Variants in ZFAT observed in about 807,000 individuals in gnomAD.
ZFAT encodes the protein zinc finger protein ZFAT.
A neutral mutation model predicts 117.7 loss-of-function variants in ZFAT; 64 were observed. The observed-to-expected ratio is 0.54, with a 90% confidence interval of 0.44 to 0.67. The LOEUF is 0.67. Among genes scored for constraint, ZFAT ranks in the 30% least tolerant of loss-of-function variants. The pLI is 0.00. For synonymous variants in ZFAT, 679 were observed against 615.0 expected (o/e 1.10, Z -1.54); for missense variants, 1,433 against 1,584.5 (o/e 0.90, Z 1.62).
chr8:134,699,399 G>A (rs1833953317), intron 1 of ZFAT, among the ~76,000 whole-genome samples: 2 of 152,188 alleles, frequency 1.3e-5, no homozygotes, highest in South Asian at 4.1e-4. Context: ...ACACTGACCT[G>A]GGTGAGTCTG....
intron 11 of ZFAT, among the ~76,000 whole-genome samples, chr8:134,549,541 C>A (rs11987084): frequency 0.023 from 3,435 of 152,158 alleles, 116 homozygotes; most frequent in African/African-American, 0.077. Context: ...TGCATGAATG[C>A]TCCCCACCCC....
chr8:134,497,950 C>T (rs1164061950), intron 15 of ZFAT, among the ~76,000 whole-genome samples: 2 of 142,086 alleles, frequency 1.4e-5, no homozygotes, highest in African/African-American at 5.4e-5. Flanking sequence ...ACACACAGAG[C>T]CTGATTTGGT....
intron 12 of ZFAT, among the ~76,000 whole-genome samples, chr8:134,527,568 G>C (rs1458707909): frequency 2.0e-5 from 3 of 152,222 alleles, no homozygotes; most frequent in Admixed American, 6.5e-5. Flanking sequence ...CAGGGCCCCA[G>C]TTCAGAGCTA....
chr8:134,598,548 G>T (rs1827139338), intron 7 of ZFAT: 1 of 152,290 alleles, frequency 6.6e-6, no homozygotes, highest in African/African-American at 2.4e-5. Flanking sequence ...CAAGGATGTG[G>T]CCAGGAGGCC....
At chr8:134,487,393 G>A (rs1178547966) in intron 15 of ZFAT, among the ~76,000 whole-genome samples, 1 of 152,160 alleles carries the variant, frequency 6.6e-6, no homozygotes, top group Non-Finnish European at 1.5e-5. Context: ...GGCCCTGTGA[G>A]GAAGGCAGGG....
chr8:134,534,466 G>C (rs1821669104), intron 11 of ZFAT, among the ~76,000 whole-genome samples: 1 of 152,132 alleles, frequency 6.6e-6, no homozygotes, highest in Non-Finnish European at 1.5e-5. Context: ...TCTCATCTTT[G>C]AAGCTTAGAT....
chr8:134,610,694 A>G, intron 3 of ZFAT, 39 bp from the exon 4 acceptor site: 1 of 1,604,882 alleles, frequency 6.2e-7, no homozygotes, highest in Non-Finnish European at 8.5e-7. Flanking sequence ...GTATCCTTTT[A>G]TATCAGTGGC....
chr8:134,737,410 G>A, the ZFAT span, among the ~76,000 whole-genome samples: 1 of 152,244 alleles, frequency 6.6e-6, no homozygotes, highest in Non-Finnish European at 1.5e-5. Context: ...GTAAGATGCT[G>A]GCTGGTCAAA....
At chr8:134,696,332 C>T (rs10505628) in intron 1 of ZFAT, 372,755 of 968,732 alleles carry the variant, frequency 0.38, 72,162 homozygotes, top group South Asian at 0.45. Context: ...CCAGGAGTTG[C>T]TATAGGCGAC....
At chr8:134,542,854 C>G (rs1822372252) in intron 11 of ZFAT, among the ~76,000 whole-genome samples, 1 of 152,248 alleles carries the variant, frequency 6.6e-6, no homozygotes, top group Admixed American at 6.5e-5. Context: ...CATGCAGTTA[C>G]TGCACAGAAG....
At chr8:134,615,705 C>T (rs1228852358) in intron 3 of ZFAT, among the ~76,000 whole-genome samples, 1 of 152,232 alleles carries the variant, frequency 6.6e-6, no homozygotes, top group Admixed American at 6.5e-5. Flanking sequence ...TACACACCTC[C>T]AAGCCCCCAC....
At chr8:134,502,439 C>T (rs1303770519) in intron 15 of ZFAT, among the ~76,000 whole-genome samples, 1 of 152,242 alleles carries the variant, frequency 6.6e-6, no homozygotes, top group Non-Finnish European at 1.5e-5. Context: ...AGTGCCTTTT[C>T]TTGCAAAAAA....
chr8:134,540,824 G>A (rs190192572), intron 11 of ZFAT, among the ~76,000 whole-genome samples: 3 of 152,344 alleles, frequency 2.0e-5, no homozygotes. Flanking sequence ...CAAGTGTCAT[G>A]AAATTTTTAT....
At chr8:134,645,928 C>G (rs550602931) in intron 2 of ZFAT, among the ~76,000 whole-genome samples, 1 of 152,098 alleles carries the variant, frequency 6.6e-6, no homozygotes, top group Non-Finnish European at 1.5e-5. Flanking sequence ...CTGAGCCAGG[C>G]GCAGTGGCTC....
the ZFAT span, among the ~76,000 whole-genome samples, chr8:134,811,549 G>T: frequency 2.1e-4 from 32 of 152,174 alleles, no homozygotes; most frequent in Non-Finnish European, 1.0e-4. Context: ...GCAAGGACAG[G>T]CATGTCTGTT....
chr8:134,582,975 C>G (rs906646758), intron 10 of ZFAT, among the ~76,000 whole-genome samples: 6 of 152,180 alleles, frequency 3.9e-5, no homozygotes, highest in African/African-American at 1.2e-4. Context: ...TTACAAGTCC[C>G]TCACACAACC....
At chr8:134,513,039 C>T (rs552219845) in intron 13 of ZFAT, among the ~76,000 whole-genome samples, 8 of 151,764 alleles carry the variant, frequency 5.3e-5, no homozygotes, top group South Asian at 2.1e-4. Context: ...GGGCAGCTGA[C>T]GGTGGAAGGG....
intron 1 of ZFAT, among the ~76,000 whole-genome samples, chr8:134,679,181 T>A (rs1375873459): frequency 6.6e-6 from 1 of 152,154 alleles, no homozygotes; most frequent in Non-Finnish European, 1.5e-5. Flanking sequence ...ATTTTTTCAA[T>A]CTATCCATCC....
chr8:134,809,318 G>A, the ZFAT span, among the ~76,000 whole-genome samples: 1 of 152,132 alleles, frequency 6.6e-6, no homozygotes, highest in Non-Finnish European at 1.5e-5. Flanking sequence ...AGTACTCCAG[G>A]TAATCCTGAC....
Sources: gnomAD v4.1 joint callset for allele counts (sites outside exome capture counted in the v4.1 genomes callset) on GRCh38, gnomAD v4.1.1 for gene constraint, MANE v1.5 for transcripts, NCBI Gene and HGNC (gene_info 2026-07-23, HGNC 2026-07-21) for gene names.